The following CEP112 variants were observed in gnomAD, a reference collection of about 807,000 sequenced individuals.
The protein encoded by CEP112 is centrosomal protein 112.
A neutral mutation model predicts 153.0 loss-of-function variants in CEP112; 127 were observed. That is an observed-to-expected ratio of 0.83 (90% confidence interval 0.72 to 0.96). The LOEUF (loss-of-function observed/expected upper bound fraction) is 0.96. CEP112 is among the 40% of genes least tolerant of loss of function. CEP112 has a pLI of 0.00. For synonymous variants in CEP112, 358 were observed against 374.4 expected, an observed-to-expected ratio of 0.96 and a Z score of 0.51; for missense variants, 1,089 against 1,101.2, an observed-to-expected ratio of 0.99 and a Z score of 0.16.
At chr17:66,012,386 T>G (rs773233393) in intron 16 of CEP112, among the ~76,000 whole-genome samples, 5 of 152,232 alleles carry the variant, frequency 3.3e-5, no homozygotes, top group Non-Finnish European at 5.9e-5. Context: ...TTCCCATGTT[T>G]AGGACTCTCT....
chr17:65,841,115 A>C lies in CEP112; in HGVS notation c.2394+10689T>G, dbSNP rs184770940. 7.4e-4 allele frequency among the ~76,000 whole-genome samples: 112 copies of C among 152,258 alleles called. 1 individual carries two copies. Among genetic ancestry groups the C allele is most frequent in the Non-Finnish European group, 5.9e-5 (4 of 67,952 alleles). On this transcript the variant is annotated intron_variant, in intron 21 of 26. Coordinates refer to ENST00000535342, the MANE Select transcript of CEP112 (RefSeq NM_001199165.4). Reference sequence around the variant, plus strand: ...AAGGTTCCTCAAAAAACTAAAAATAATCTAGCATATAACCCAGCAATTCCA... The same window carrying C: ...AAGGTTCCTCAAAAAACTAAAAATACTCTAGCATATAACCCAGCAATTCCA...
chr17:65,847,026 G>A (rs2057751269), intron 21 of CEP112, among the ~76,000 whole-genome samples: 1 of 152,150 alleles, frequency 6.6e-6, no homozygotes, highest in Non-Finnish European at 1.5e-5. Flanking sequence ...ATTACTCGAT[G>A]TGAGCACAGC....
intron 24 of CEP112, among the ~76,000 whole-genome samples, chr17:65,643,733 C>T (rs2045278495): frequency 6.6e-6 from 1 of 152,194 alleles, no homozygotes; most frequent in African/African-American, 2.4e-5. Flanking sequence ...TGGTTTCATC[C>T]ACTTCTTCTG....
chr17:65,788,235 CT>C (rs1386663324), intron 21 of CEP112, among the ~76,000 whole-genome samples: 1 of 152,164 alleles, frequency 6.6e-6, no homozygotes, highest in Non-Finnish European at 1.5e-5. Flanking sequence ...TGAAATCACC[CT>C]TGCATTCTTG....
At position 66,175,098 on chromosome 17, in the gene CEP112, T is replaced by C. The variant is rs765491912; in HGVS notation, c.416A>G (p.Lys139Arg). Residue 139 changes from lysine (K) to arginine (R), a missense_variant, in exon 4 of 27, where the codon AAA becomes AGA. By Grantham distance (26) the Lys-to-Arg change is conservative. Coordinates refer to ENST00000535342, the MANE Select transcript of CEP112 (RefSeq NM_001199165.4). ...TSEHKLNESW[K>R]LSSGEDNTLV... ...AGTGTTATCTTCTCCAGAAGAGAGT[T>C]TCCATGATTCATTTAATTTGTGTTC... The C allele has an allele frequency of 1.6e-5, 26 of 1,613,102 alleles. 1 individual carries two copies. Among genetic ancestry groups the C allele is most frequent in the East Asian group, 1.1e-4 (5 of 44,844 alleles).
chr17:66,093,700 A>T (rs1255743395), intron 8 of CEP112, among the ~76,000 whole-genome samples: 1 of 152,182 alleles, frequency 6.6e-6, no homozygotes, highest in Non-Finnish European at 1.5e-5. Flanking sequence ...ATGGAAAGAT[A>T]TCTCATGTTC....
intron 23 of CEP112, among the ~76,000 whole-genome samples, chr17:65,704,569 T>C (rs545434174): frequency 6.6e-6 from 1 of 152,290 alleles, no homozygotes; most frequent in East Asian, 1.9e-4. Context: ...TACTATGTTA[T>C]ATTGATCTAT....
intron 23 of CEP112, among the ~76,000 whole-genome samples, chr17:65,735,579 T>C (rs1489408682): frequency 6.7e-6 from 1 of 149,784 alleles, no homozygotes; most frequent in Non-Finnish European, 1.5e-5. Flanking sequence ...TATCGTAAAG[T>C]TGAGAAATTG....
At chr17:65,637,072 G>T in intron 26 of CEP112, 52 bp downstream of exon 26, 1 of 1,372,428 alleles carries the variant, frequency 7.3e-7, no homozygotes, top group Non-Finnish European at 1.0e-6. Flanking sequence ...AGGCTCACAG[G>T]TGACACAACA....
intron 5 of CEP112, among the ~76,000 whole-genome samples, chr17:66,130,903 T>C (rs569919541): frequency 7.9e-5 from 12 of 152,094 alleles, no homozygotes; most frequent in Admixed American, 7.9e-4. Context: ...ATGAAAACTA[T>C]AATGAACTAG....
intron 4 of CEP112, among the ~76,000 whole-genome samples, chr17:66,166,360 AAAT>A (rs2146801283): frequency 6.6e-6 from 1 of 152,286 alleles, no homozygotes; most frequent in African/African-American, 2.4e-5. Flanking sequence ...TTTTCAGTAA[AAAT>A]AATAAGTGCT....
Position 65,943,046 on chromosome 17 carries a change from T to C in CEP112, c.1873-15357A>G, listed in dbSNP as rs117309161. 9.5e-4 allele frequency among the ~76,000 whole-genome samples: 144 copies of C among 152,314 alleles called. 2 individuals are homozygous for C. In the East Asian group the frequency reaches 0.026, roughly 28 times the overall value. On this transcript the variant is annotated intron_variant, in intron 18 of 26. Coordinates refer to ENST00000535342, the MANE Select transcript of CEP112 (RefSeq NM_001199165.4). ...ATACATAGATATGAATAGATAGGCT[T>C]AAGGTGTAAGAAATAATCCTTCAAA...
intron 23 of CEP112, among the ~76,000 whole-genome samples, chr17:65,713,189 G>A (rs1598378294): frequency 1.3e-5 from 2 of 152,166 alleles, no homozygotes; most frequent in Non-Finnish European, 2.9e-5. Flanking sequence ...TATGTGAGTA[G>A]GGTGTGTCTT....
chr17:65,969,887 C>T (rs1049683283), intron 17 of CEP112, among the ~76,000 whole-genome samples: 1 of 152,174 alleles, frequency 6.6e-6, no homozygotes, highest in Non-Finnish European at 1.5e-5. Flanking sequence ...GTGTAAATTA[C>T]ATGCATGCTT....
intron 17 of CEP112, among the ~76,000 whole-genome samples, chr17:65,972,019 A>T (rs2062859817): frequency 6.6e-6 from 1 of 152,226 alleles, no homozygotes; most frequent in African/African-American, 2.4e-5. Context: ...GAGCTAGGAT[A>T]ACTAGGATTT....
intron 22 of CEP112, among the ~76,000 whole-genome samples, 173 bp from the exon 23 acceptor site, chr17:65,743,390 C>T (rs535989249): frequency 1.3e-5 from 2 of 152,252 alleles, no homozygotes; most frequent in Admixed American, 1.3e-4. Flanking sequence ...CAATAAAAGA[C>T]TTTAATAAAA....
At chr17:65,767,323 C>T (rs1390015938) in intron 21 of CEP112, among the ~76,000 whole-genome samples, 5 of 151,868 alleles carry the variant, frequency 3.3e-5, no homozygotes, top group Non-Finnish European at 5.9e-5. Context: ...AAACTGAAAA[C>T]GATCTTGAGA....
intron 4 of CEP112, among the ~76,000 whole-genome samples, chr17:66,165,538 C>T (rs1232580575): frequency 6.6e-6 from 1 of 152,088 alleles, no homozygotes; most frequent in Non-Finnish European, 1.5e-5. Context: ...GCTAAATTAT[C>T]CAACAATTTC....
chr17:66,174,983 A>C, intron 4 of CEP112, 61 bp downstream of exon 4: 1 of 1,183,492 alleles, frequency 8.4e-7, no homozygotes, highest in Non-Finnish European at 1.1e-6. Flanking sequence ...GAATGTATAA[A>C]TCAGTTCCAA....
Sources: allele counts gnomAD v4.1 joint callset (sites outside exome capture counted in the v4.1 genomes callset), GRCh38; gene constraint gnomAD v4.1.1; transcripts MANE v1.5; gene names NCBI Gene and HGNC (gene_info 2026-07-23, HGNC 2026-07-21).